CTNND2: variants seen among roughly 807,000 people sequenced by gnomAD.
The protein encoded by CTNND2 is catenin delta-2.
CTNND2 carries 22 observed loss-of-function variants against 144.4 expected under a neutral mutation model. The ratio of observed to expected loss-of-function variants is 0.15; its 90% CI spans 0.11 to 0.22. CTNND2 has a LOEUF of 0.22. CTNND2 is among the 10% of genes least tolerant of loss of function. CTNND2 has a pLI of 1.00. For missense variants in CTNND2, 1,353 were observed against 1,618.8 expected (o/e 0.84, Z 2.82); for synonymous variants, 751 against 695.6 (o/e 1.08, Z -1.25).
rs971831116 is a variant in CTNND2 at position 11,736,291 on chromosome 5, C to A, written c.38-4019G>T. On this transcript the variant is annotated intron_variant, in intron 1 of 21. Coordinates refer to ENST00000304623, the MANE Select transcript of CTNND2 (RefSeq NM_001332.4). ...CTCCTCCGGCACTTGACAAGTGTGA[C>A]CCACACAGTATGGGGAATAATTAGG... 5.9e-5 allele frequency among the ~76,000 whole-genome samples: 9 copies of A among 152,194 alleles called. No homozygotes were observed. The East Asian group carries it at 1.7e-3, about 29-fold the overall frequency.
intron 2 of CTNND2, among the ~76,000 whole-genome samples, chr5:11,730,746 C>T (rs1787344864): frequency 6.6e-6 from 1 of 152,164 alleles, no homozygotes; most frequent in East Asian, 1.9e-4. Context: ...GCATGCCATG[C>T]CTTTTTATTC....
intron 1 of CTNND2, among the ~76,000 whole-genome samples, chr5:11,804,130 C>T (rs1262064058): frequency 1.3e-5 from 2 of 152,100 alleles, no homozygotes; most frequent in Non-Finnish European, 2.9e-5. Flanking sequence ...CAGTATATTA[C>T]ACATTAAAAC....
At chr5:11,729,073 T>C (rs1158535437) in intron 2 of CTNND2, among the ~76,000 whole-genome samples, 1 of 152,104 alleles carries the variant, frequency 6.6e-6, no homozygotes, top group Non-Finnish European at 1.5e-5. Flanking sequence ...TGCTTTCACC[T>C]AGGCAGATGC....
intron 1 of CTNND2, among the ~76,000 whole-genome samples, chr5:11,806,554 G>T (rs1695254981): frequency 6.6e-6 from 1 of 151,952 alleles, no homozygotes; most frequent in Admixed American, 6.6e-5. Context: ...TTCATTTCCA[G>T]GGTTCATTTC....
chr5:11,085,216 T>C (rs1259138723), intron 15 of CTNND2, among the ~76,000 whole-genome samples: 4 of 152,246 alleles, frequency 2.6e-5, no homozygotes, highest in African/African-American at 7.2e-5. Context: ...ATGTGGATGA[T>C]ATAGAAACAC....
At chr5:11,477,414 G>A (rs745900619) in intron 3 of CTNND2, among the ~76,000 whole-genome samples, 1 of 147,208 alleles carries the variant, frequency 6.8e-6, no homozygotes, top group South Asian at 2.2e-4. Flanking sequence ...TTTTTGTTTT[G>A]TTTTGTTTTG....
At chr5:11,051,017 C>A (rs931726012) in intron 16 of CTNND2, among the ~76,000 whole-genome samples, 10 of 152,184 alleles carry the variant, frequency 6.6e-5, no homozygotes, top group African/African-American at 2.2e-4. Context: ...ATGGCCAGCC[C>A]CCTTGCTATA....
intron 1 of CTNND2, among the ~76,000 whole-genome samples, chr5:11,770,373 A>T (rs1225417972): frequency 6.6e-6 from 1 of 150,804 alleles, no homozygotes; most frequent in Non-Finnish European, 1.5e-5. Context: ...ACTACTGAAG[A>T]TTCAGATTGT....
At chr5:11,099,084 G>C (rs1200218386) in intron 14 of CTNND2, among the ~76,000 whole-genome samples, 1 of 152,182 alleles carries the variant, frequency 6.6e-6, no homozygotes, top group East Asian at 1.9e-4. Flanking sequence ...TGATTGAGCA[G>C]TTTGGAAGAA....
rs1762052747 is a variant in CTNND2 at position 11,417,964 on chromosome 5, AAAAGTTTAT to A, written c.288-5904_288-5896del. ...ACATATCATATATGAGGGGTCTTCA[AAAAGTTTAT>A]GGAAAATGCATATTATGAAAAATTT... On this transcript the variant is annotated intron_variant, in intron 3 of 21. Transcript: ENST00000304623. Among the ~76,000 whole-genome samples the A allele has an allele frequency of 2.0e-5, 3 of 152,320 alleles. No homozygotes were observed. In the East Asian group the frequency reaches 5.8e-4, roughly 29 times the overall value.
chr5:11,099,981 G>A (rs1384949048), intron 14 of CTNND2, among the ~76,000 whole-genome samples: 1 of 149,136 alleles, frequency 6.7e-6, no homozygotes, highest in East Asian at 2.1e-4. Context: ...ATACATATAT[G>A]TGCATGTATA....
At chr5:11,058,739 C>T (rs1746606572) in intron 16 of CTNND2, among the ~76,000 whole-genome samples, 1 of 152,182 alleles carries the variant, frequency 6.6e-6, no homozygotes, top group South Asian at 2.1e-4. Flanking sequence ...ACACTCAATA[C>T]TAGCCCATGA....
chr5:11,684,178 T>C (rs1784543694), intron 2 of CTNND2, among the ~76,000 whole-genome samples: 1 of 152,058 alleles, frequency 6.6e-6, no homozygotes, highest in Non-Finnish European at 1.5e-5. Context: ...CTCGGCTCAC[T>C]GCAAGCTCTG....
In CTNND2 at chr5:11,565,000, G is replaced by C. The variant is rs1265848309; in HGVS notation, c.231C>G (p.Ala77=). ...CGAGCTTGCATCGCTCCAGCTGGCT[G>C]GCTACGATCTGCCGTTCAGCCTCCA... The part of the protein sequence containing the change: ...RELEAERQIV[A]SQLERCKLGS... The change falls in exon 3 of 22, where the codon GCC becomes GCG. Residue 77 remains alanine, a synonymous_variant. Transcript: ENST00000304623. 6.2e-7 allele frequency: 1 copy of C among 1,614,104 alleles called. No homozygotes were observed. Among genetic ancestry groups the C allele is most frequent in the Admixed American group, 1.7e-5 (1 of 60,024 alleles).
intron 1 of CTNND2, among the ~76,000 whole-genome samples, chr5:11,769,289 G>A (rs1789781090): frequency 6.6e-6 from 1 of 152,126 alleles, no homozygotes; most frequent in Non-Finnish European, 1.5e-5. Flanking sequence ...TCTCTCTGAA[G>A]GTGATGCGCA....
chr5:11,675,554 T>C (rs1784131202), intron 2 of CTNND2, among the ~76,000 whole-genome samples: 1 of 152,164 alleles, frequency 6.6e-6, no homozygotes, highest in Non-Finnish European at 1.5e-5. Context: ...TTTAACTCTT[T>C]TTAAATTTTT....
At chr5:11,228,687 T>C (rs935989157) in intron 10 of CTNND2, among the ~76,000 whole-genome samples, 1 of 152,020 alleles carries the variant, frequency 6.6e-6, no homozygotes, top group Admixed American at 6.6e-5. Context: ...GGTCTGGCTA[T>C]GTTGCTGATG....
chr5:11,119,228 TC>T (rs1297956842), intron 12 of CTNND2, among the ~76,000 whole-genome samples: 2 of 152,206 alleles, frequency 1.3e-5, no homozygotes, highest in African/African-American at 4.8e-5. Flanking sequence ...AAAACAGGTT[TC>T]ATGTTAAAAT....
intron 1 of CTNND2, among the ~76,000 whole-genome samples, chr5:11,891,055 C>A (rs1395956368): frequency 6.6e-6 from 1 of 152,184 alleles, no homozygotes; most frequent in Admixed American, 6.5e-5. Flanking sequence ...AATGAGACAG[C>A]TGGATCAGCC....
Sources: allele counts gnomAD v4.1 joint callset (sites outside exome capture counted in the v4.1 genomes callset), GRCh38; gene constraint gnomAD v4.1.1; transcripts MANE v1.5; gene names NCBI Gene and HGNC (gene_info 2026-07-23, HGNC 2026-07-21).